SPOCD1: variants seen among roughly 807,000 people sequenced by gnomAD.
The protein encoded by SPOCD1 is SPOC domain containing 1, also known as SPOC domain-containing protein 1.
In SPOCD1, 64 loss-of-function variants were observed where a neutral mutation model predicts 92.2. The ratio of observed to expected loss-of-function variants is 0.69; its 90% confidence interval spans 0.57 to 0.86. The LOEUF (loss-of-function observed/expected upper bound fraction) is 0.86. Ranked by LOEUF, SPOCD1 falls within the 40% of genes least tolerant of loss-of-function variation. SPOCD1 has a pLI of 0.00. For missense variants in SPOCD1, 1,360 were observed against 1,543.1 expected (o/e 0.88, Z 1.99); for synonymous variants, 578 against 619.3 (o/e 0.93, Z 0.99).
In SPOCD1 at chr1:31,808,939, C is replaced by T. The variant is rs112736326; in HGVS notation, c.1383+5012G>A. Among the ~76,000 whole-genome samples, 512 of 152,268 alleles carry T rather than the reference C, an allele frequency of 3.4e-3. 1 individual carries two copies. The highest frequency in any genetic ancestry group is 0.011 in the African/African-American group (457 of 41,550). ...GGCCAGGCCTGGTGGCTCATGCCTG[C>T]AATCCCAGCATTTTGGGAGGCCGAG... On this transcript the variant is annotated intron_variant, in intron 2 of 15. Coordinates refer to ENST00000360482, the MANE Select transcript of SPOCD1 (RefSeq NM_144569.7).
rs765643324 is a variant in SPOCD1 at position 31,793,320 on chromosome 1, G to T, written c.2643C>A (p.Ala881=). Residue 881 remains alanine, a synonymous_variant, in exon 13 of 16, where the codon GCC becomes GCA. Coordinates refer to ENST00000360482, the MANE Select transcript of SPOCD1 (RefSeq NM_144569.7). ...TGTGTCCCGAGACCAGCTGGGCCCT[G>T]GCCCGGAACCGCTTGATGGAGAACA... ...LDMFSIKRFR[A]RAQLVSGHSC... 3 of 1,592,280 alleles carry T rather than the reference G, an allele frequency of 1.9e-6. No homozygotes were observed. In the Admixed American group the frequency reaches 5.3e-5, roughly 28 times the overall value.
chr1:31,792,883 C>T (rs1647708005), intron 13 of SPOCD1, 116 bp from the exon 14 acceptor site: 1 of 842,744 alleles, frequency 1.2e-6, no homozygotes, highest in African/African-American at 1.7e-5. Flanking sequence ...GGCAGTGTTC[C>T]AGGACCCTCA....
In SPOCD1 at chr1:31,798,878, G is replaced by C. The variant is rs181713744; in HGVS notation, c.1869-277C>G. The C allele has an allele frequency of 1.7e-6, 1 of 573,324 alleles. No individual in the cohort carries two copies. Among genetic ancestry groups the C allele is most frequent in the African/African-American group, 1.9e-5 (1 of 53,160 alleles). 35.5% of individuals were successfully genotyped at this position (573,324 alleles called of 1,614,324 possible). A position where few individuals can be genotyped will look rare whatever the true frequency, so the allele number is the denominator to read the frequency against. ...CAAAAGCAAGATTTGAAACTCGACTGTCTGACTCACCAGCCTGTGCCCCGT... is the reference window on the plus strand; with the variant it reads ...CAAAAGCAAGATTTGAAACTCGACTCTCTGACTCACCAGCCTGTGCCCCGT... On this transcript the variant is annotated intron_variant, in intron 7 of 15. Transcript: ENST00000360482. This position sits in a 1 kb window ranked among gnomAD's most constrained non-coding sequence, Gnocchi z 4.1.
In SPOCD1 at chr1:31,799,867, T is replaced by G. The variant is rs774570065; in HGVS notation, c.1729-4A>C. 6.2e-7 allele frequency: 1 copy of G among 1,614,126 alleles called. No homozygotes were observed. Among genetic ancestry groups the G allele is most frequent in the Admixed American group, 1.7e-5 (1 of 60,016 alleles). On this transcript the variant is annotated splice_region_variant and splice_polypyrimidine_tract_variant and intron_variant, in intron 5 of 15. Coordinates refer to ENST00000360482, the MANE Select transcript of SPOCD1 (RefSeq NM_144569.7). ...CTTCAGCCTCCATTGGGCCACTCTG[T>G]AGGGGAGGCGTGAGGAATTGAGGCT...
At chr1:31,796,534 G>T (rs767727049) in intron 10 of SPOCD1, 56 bp downstream of exon 10, 1 of 1,614,010 alleles carries the variant, frequency 6.2e-7, no homozygotes, top group Non-Finnish European at 8.5e-7. Context: ...GTGAGGCGAG[G>T]CGTGGGACCC....
intron 2 of SPOCD1, among the ~76,000 whole-genome samples, chr1:31,804,841 C>T (rs1334841108): frequency 6.6e-6 from 1 of 151,954 alleles, no homozygotes; most frequent in African/African-American, 2.4e-5. Context: ...ATAACAACAA[C>T]ACACAAATTG....
chr1:31,793,986 C>A, intron 11 of SPOCD1, 89 bp from the exon 12 acceptor site: 1 of 1,537,834 alleles, frequency 6.5e-7, no homozygotes, highest in South Asian at 1.2e-5. Context: ...GAACCAGGTT[C>A]TTTTCTAGGT....
chr1:31,791,214 G>A lies in SPOCD1; in HGVS notation c.3040C>T (p.Leu1014=), dbSNP rs776119363. ...TCTGGAAGCCCTTCCTTGGGGAGCA[G>A]CACAGCCAGCAACAGACTTGAGTGA... The part of the protein sequence containing the change: ...VTHSSLLLAV[L]LPKEGLPDTA... The change falls in exon 16 of 16, where the codon CTG becomes TTG. Residue 1014 remains leucine, a synonymous_variant. Transcript: ENST00000360482. 1 of 1,604,534 alleles carries A rather than the reference G, an allele frequency of 6.2e-7. No homozygotes were observed. The highest frequency in any genetic ancestry group is 8.5e-7 in the Non-Finnish European group (1 of 1,174,662).
In SPOCD1 at chr1:31,790,701, C is replaced by T. The variant is rs184225320; in HGVS notation, c.3553G>A (p.Ala1185Thr). The change falls in exon 16 of 16, where the codon GCC becomes ACC. Residue 1185 changes from alanine (A) to threonine (T), a missense_variant. By Grantham distance (58) the Ala-to-Thr change is moderately conservative (BLOSUM62 0). Coordinates refer to ENST00000360482, the MANE Select transcript of SPOCD1 (RefSeq NM_144569.7). ...IPRPLQRLSS[A>T]LAAPEPPGPA... is the part of the protein sequence containing the mutation. Reference sequence around the variant, plus strand: ...CCAGGGGGCTCTGGAGCTGCAAGGGCGCTAGACAAACGCTGCAGAGGGCGG... The same window carrying T: ...CCAGGGGGCTCTGGAGCTGCAAGGGTGCTAGACAAACGCTGCAGAGGGCGG... 74 of 1,551,804 alleles carry T rather than the reference C, an allele frequency of 4.8e-5. 1 individual carries two copies. The African/African-American group carries it at 6.8e-4, about 14-fold the overall frequency.
In SPOCD1 at chr1:31,790,713, G is replaced by A. The variant is rs1275500367; in HGVS notation, c.3541C>T (p.Arg1181Cys). The A allele has an allele frequency of 6.4e-6, 10 of 1,551,802 alleles. No individual in the cohort carries two copies. Among genetic ancestry groups the A allele is most frequent in the African/African-American group, 1.4e-5 (1 of 73,078 alleles). Residue 1181 changes from arginine to cysteine, a missense_variant, in exon 16 of 16, where the codon CGT becomes TGT. Around this residue, in one of 3 missense-constraint regions of SPOCD1, gnomAD observed 614 missense variants for 757.8 expected, o/e 0.81. Transcript: ENST00000360482. ...TKSSIPRPLQ[R>C]LSSALAAPEP... ...GGAGCTGCAAGGGCGCTAGACAAAC[G>A]CTGCAGAGGGCGGGGGATGGAGCTC...
rs1426699454 is a variant in SPOCD1 at position 31,808,501 on chromosome 1, A to T, written c.1383+5450T>A. Among the ~76,000 whole-genome samples, 8 of 150,632 alleles carry T rather than the reference A, an allele frequency of 5.3e-5. No individual in the cohort carries two copies. The South Asian group carries it at 6.3e-4, about 12-fold the overall frequency. On this transcript the variant is annotated intron_variant, in intron 2 of 15. Transcript: ENST00000360482. ...TTGTAATTGTAATAATTATAATAATAATTATAAATAATTAGCAAACCAGGA... is the reference window on the plus strand; with the variant it reads ...TTGTAATTGTAATAATTATAATAATTATTATAAATAATTAGCAAACCAGGA...
At chr1:31,806,385 T>C (rs1005742029) in intron 2 of SPOCD1, among the ~76,000 whole-genome samples, 2 of 152,060 alleles carry the variant, frequency 1.3e-5, no homozygotes, top group Non-Finnish European at 2.9e-5. Flanking sequence ...ATCAACAAAT[T>C]TCAAAAGACT....
chr1:31,793,202 G>C (rs1457372428), intron 13 of SPOCD1, 76 bp downstream of exon 13: 1 of 1,469,438 alleles, frequency 6.8e-7, no homozygotes, highest in Non-Finnish European at 9.1e-7. Context: ...ATGCATGAGT[G>C]AAAGAGAGAG....
chr1:31,807,839 G>A (rs1348017443), intron 2 of SPOCD1, among the ~76,000 whole-genome samples: 1 of 152,108 alleles, frequency 6.6e-6, no homozygotes, highest in Non-Finnish European at 1.5e-5. Flanking sequence ...AAAGATAAGA[G>A]GCTATTGTGA....
intron 4 of SPOCD1, 146 bp downstream of exon 4, chr1:31,800,295 G>A (rs576760787): frequency 9.0e-4 from 1,286 of 1,428,398 alleles, no homozygotes; most frequent in Non-Finnish European, 1.1e-3. Flanking sequence ...GGCCAGCCAT[G>A]CAGGCTGGGG....
Position 31,803,578 on chromosome 1 carries a change from G to GA in SPOCD1, c.1384-1874dup, listed in dbSNP as rs34105123. 7.6e-3 allele frequency among the ~76,000 whole-genome samples: 1,094 copies of GA among 143,548 alleles called. 3 individuals carry two copies. Among genetic ancestry groups the GA allele is most frequent in the South Asian group, 0.017 (78 of 4,512 alleles). 94.2% of individuals were successfully genotyped at this position (143,548 alleles called of 152,430 possible). A position where few individuals can be genotyped will look rare whatever the true frequency, so the allele number is the denominator to read the frequency against. On this transcript the variant is annotated intron_variant, in intron 2 of 15. Transcript: ENST00000360482. Reference sequence around the variant, plus strand: ...CGAGACCCTGTCTCTACAAAAACAAGAAAAAAAAAAAAAATAGCCAGGCAT... The same window carrying GA: ...CGAGACCCTGTCTCTACAAAAACAAGAAAAAAAAAAAAAAATAGCCAGGCAT...
At chr1:31,802,110 G>A (rs1412561934) in intron 2 of SPOCD1, among the ~76,000 whole-genome samples, 3 of 152,198 alleles carry the variant, frequency 2.0e-5, no homozygotes, top group African/African-American at 7.2e-5. Context: ...GGAGGTTGCA[G>A]TGAGCCAGGA....
chr1:31,794,385 T>C (rs1014792843), intron 10 of SPOCD1, 150 bp from the exon 11 acceptor site: 2 of 490,378 alleles, frequency 4.1e-6, no homozygotes, highest in Non-Finnish European at 7.2e-6. Flanking sequence ...TAAAGAAAAT[T>C]TGGAAAACAC....
Position 31,796,359 on chromosome 1 carries a change from G to C in SPOCD1, c.2271+231C>G, listed in dbSNP as rs1355191457. 11 of 640,296 alleles carry C rather than the reference G, an allele frequency of 1.7e-5. No homozygotes were observed. In the East Asian group the frequency reaches 3.2e-4, roughly 18 times the overall value. 39.7% of individuals were successfully genotyped at this position (640,296 alleles called of 1,614,324 possible). Reference sequence around the variant, plus strand: ...CACTCATGTGGGGGCCTTGGGGTGAGGCCAAAAGGAGGAGGACCGACAGTG... The same window carrying C: ...CACTCATGTGGGGGCCTTGGGGTGACGCCAAAAGGAGGAGGACCGACAGTG... On this transcript the variant is annotated intron_variant, in intron 10 of 15. Coordinates refer to ENST00000360482, the MANE Select transcript of SPOCD1 (RefSeq NM_144569.7).
Sources: gnomAD v4.1 joint callset for allele counts (sites outside exome capture counted in the v4.1 genomes callset) on GRCh38, gnomAD v4.1.1 for gene constraint, gnomAD v4.1.1 regional missense constraint, Gnocchi (gnomAD v3.1) non-coding constraint, MANE v1.5 for transcripts, NCBI Gene and HGNC (gene_info 2026-07-23, HGNC 2026-07-21) for gene names.